PPP1R1C: variants seen among roughly 807,000 people sequenced by gnomAD.
PPP1R1C encodes the protein protein phosphatase 1 regulatory subunit 1C.
In PPP1R1C, 15 loss-of-function variants were observed where a neutral mutation model predicts 17.4. The ratio of observed to expected loss-of-function variants is 0.86; its 90% confidence interval spans 0.58 to 1.33. The LOEUF is 1.33. Ranked by LOEUF, PPP1R1C falls within the 40% of genes most tolerant of loss-of-function variation. The pLI is 0.00. For missense variants in PPP1R1C, 143 were observed against 130.0 expected (o/e 1.10, Z -0.48); for synonymous variants, 35 against 43.1 (o/e 0.81, Z 0.73).
At chr2:182,085,557 T>C (rs1410216273) in intron 4 of PPP1R1C, among the ~76,000 whole-genome samples, 2 of 152,172 alleles carry the variant, frequency 1.3e-5, no homozygotes, top group African/African-American at 4.8e-5. Context: ...AATTAAATTC[T>C]GGTTCAATTT....
intron 2 of PPP1R1C, among the ~76,000 whole-genome samples, chr2:182,009,493 T>C (rs1008964806): frequency 6.6e-6 from 1 of 152,062 alleles, no homozygotes; most frequent in African/African-American, 2.4e-5. Flanking sequence ...TTGCCTATAC[T>C]GTTGCTTGAG....
chr2:182,111,927 C>T (rs1490964370), intron 4 of PPP1R1C, among the ~76,000 whole-genome samples: 3 of 151,966 alleles, frequency 2.0e-5, no homozygotes, highest in Admixed American at 6.6e-5. Context: ...AAAGTTTTTG[C>T]GATAGGCACC....
At chr2:182,059,820 TGTA>T (rs1188981203) in intron 2 of PPP1R1C, among the ~76,000 whole-genome samples, 2 of 152,064 alleles carry the variant, frequency 1.3e-5, no homozygotes, top group African/African-American at 2.4e-5. Flanking sequence ...TAGTGGGCAT[TGTA>T]GTGAGACAGT....
chr2:182,052,963 A>G (rs1687570261), intron 2 of PPP1R1C, among the ~76,000 whole-genome samples: 2 of 152,200 alleles, frequency 1.3e-5, no homozygotes, highest in South Asian at 2.1e-4. Flanking sequence ...TTTCCCTTTT[A>G]AAAAGAAATT....
rs191597398 is a variant in PPP1R1C at position 182,040,528 on chromosome 2, T to G, written c.143-20914T>G. On this transcript the variant is annotated intron_variant, in intron 2 of 4. Coordinates refer to ENST00000682840, the MANE Select transcript of PPP1R1C (RefSeq NM_001080545.3). ...TTATTTTTTTTCTTGCAGATTTGTT[T>G]GAGTTGCTTGTAGATTCTGGATATT... Among the ~76,000 whole-genome samples, 151 of 152,342 alleles carry G rather than the reference T, an allele frequency of 9.9e-4. 1 individual carries two copies. The highest frequency in any genetic ancestry group is 1.1e-3 in the Non-Finnish European group (72 of 68,030).
chr2:182,029,267 G>C (rs1686735842), intron 2 of PPP1R1C, among the ~76,000 whole-genome samples: 1 of 150,900 alleles, frequency 6.6e-6, no homozygotes, highest in South Asian at 2.1e-4. Flanking sequence ...GATGTTAGCT[G>C]GTTATTTTGC....
At chr2:182,028,373 A>T (rs1170322921) in intron 2 of PPP1R1C, among the ~76,000 whole-genome samples, 1 of 149,786 alleles carries the variant, frequency 6.7e-6, no homozygotes, top group African/African-American at 2.5e-5. Context: ...CCCTCTACAC[A>T]CTGCTTTGAA....
intron 2 of PPP1R1C, among the ~76,000 whole-genome samples, chr2:182,030,203 T>G (rs887250109): frequency 7.9e-5 from 12 of 152,116 alleles, no homozygotes; most frequent in African/African-American, 2.9e-4. Context: ...GAAGCCTTCT[T>G]CTCTCAGCTC....
At chr2:181,980,939 T>C (rs2125136906), upstream of PPP1R1C, among the ~76,000 whole-genome samples, 1 of 151,124 alleles carries the variant, frequency 6.6e-6, no homozygotes, top group South Asian at 2.1e-4. Context: ...TTTTTTTTTT[T>C]TTTTTTTGAG....
rs182181729 is a variant in PPP1R1C, at chr2:181,975,851, A to G, written n.157+587A>G. ...GCATTAAGTAAGGGAGGTAAATTCAATATGATTTTGGAAATAATGATCTCA... is the reference window on the plus strand; with the variant it reads ...GCATTAAGTAAGGGAGGTAAATTCAGTATGATTTTGGAAATAATGATCTCA... On this transcript the variant is annotated intron_variant and non_coding_transcript_variant, in intron 2 of 5. Transcript: ENST00000464264. 1.8e-4 allele frequency among the ~76,000 whole-genome samples: 27 copies of G among 152,168 alleles called. No individual in the cohort carries two copies. In the East Asian group the frequency reaches 5.0e-3, roughly 28 times the overall value.
intron 4 of PPP1R1C, among the ~76,000 whole-genome samples, chr2:182,069,706 A>G (rs1199771025): frequency 1.3e-5 from 2 of 152,194 alleles, no homozygotes; most frequent in Non-Finnish European, 2.9e-5. Context: ...ATTTGTCTAT[A>G]TATATGTTAA....
intron 2 of PPP1R1C, among the ~76,000 whole-genome samples, chr2:182,018,119 T>C (rs1053341202): frequency 2.0e-5 from 3 of 152,160 alleles, no homozygotes; most frequent in African/African-American, 7.2e-5. Flanking sequence ...AAATGGACAG[T>C]AATGTGAAAA....
intron 4 of PPP1R1C, among the ~76,000 whole-genome samples, chr2:182,064,494 T>C (rs1305526273): frequency 6.6e-6 from 1 of 152,068 alleles, no homozygotes; most frequent in African/African-American, 2.4e-5. Context: ...CAGTGGCTGA[T>C]CATACTCAAT....
intron 2 of PPP1R1C, among the ~76,000 whole-genome samples, chr2:182,053,242 G>T (rs1397891078): frequency 1.3e-5 from 2 of 152,106 alleles, no homozygotes; most frequent in African/African-American, 4.8e-5. Context: ...TAATCTAGTT[G>T]TGGTGAAAAA....
intron 4 of PPP1R1C, among the ~76,000 whole-genome samples, chr2:182,081,816 G>C (rs1160980885): frequency 6.6e-6 from 1 of 152,108 alleles, no homozygotes; most frequent in Non-Finnish European, 1.5e-5. Context: ...CTGCATAAAA[G>C]GCTGTGCCCA....
chr2:181,973,408 C>A (rs917345841), intron 1 of PPP1R1C, among the ~76,000 whole-genome samples: 1 of 152,268 alleles, frequency 6.6e-6, no homozygotes, highest in East Asian at 1.9e-4. Context: ...TAAACTGAAG[C>A]AACATAAGTC....
At chr2:182,044,753 A>C (rs1434352265) in intron 2 of PPP1R1C, among the ~76,000 whole-genome samples, 1 of 152,226 alleles carries the variant, frequency 6.6e-6, no homozygotes, top group Non-Finnish European at 1.5e-5. Flanking sequence ...CATAGCACAG[A>C]GTATATATGC....
At chr2:182,095,579 G>A (rs1444108480) in intron 4 of PPP1R1C, among the ~76,000 whole-genome samples, 2 of 152,074 alleles carry the variant, frequency 1.3e-5, no homozygotes, top group Non-Finnish European at 2.9e-5. Context: ...CACTCCCTTG[G>A]CCTCTTTATG....
In PPP1R1C at chr2:182,089,048, G is replaced by A. The variant is rs540671230; in HGVS notation, c.241+25257G>A. Among the ~76,000 whole-genome samples, 124 of 152,274 alleles carry A rather than the reference G, an allele frequency of 8.1e-4. 1 individual carries two copies. Among genetic ancestry groups the A allele is most frequent in the African/African-American group, 2.8e-3 (117 of 41,540 alleles). On this transcript the variant is annotated intron_variant, in intron 4 of 4. Coordinates refer to ENST00000682840, the MANE Select transcript of PPP1R1C (RefSeq NM_001080545.3). Reference sequence around the variant, plus strand: ...GGACCTTCTTTTATCTAGACAGCCAGGTCAAACTGGCCCTGTGCAGGACCA... The same window carrying A: ...GGACCTTCTTTTATCTAGACAGCCAAGTCAAACTGGCCCTGTGCAGGACCA...
Sources: gnomAD v4.1 joint callset for allele counts (sites outside exome capture counted in the v4.1 genomes callset) on GRCh38, gnomAD v4.1.1 for gene constraint, MANE v1.5 for transcripts, NCBI Gene and HGNC (gene_info 2026-07-23, HGNC 2026-07-21) for gene names.